The following AARS1 variants were observed in gnomAD, a reference collection of about 807,000 sequenced individuals.
AARS1 encodes alanine--tRNA ligase, cytoplasmic.
AARS1 carries 72 observed loss-of-function variants against 108.9 expected under a neutral mutation model. The ratio of observed to expected loss-of-function variants is 0.66; its 90% CI spans 0.55 to 0.80. AARS1 has a LOEUF of 0.80. Ranked by LOEUF, AARS1 falls within the 30% of genes least tolerant of loss-of-function variation. The pLI, the probability that AARS1 is intolerant of heterozygous loss-of-function variation, is 0.00. For missense variants in AARS1, 1,193 were observed against 1,233.2 expected (o/e 0.97, Z 0.49); for synonymous variants, 489 against 465.7 (o/e 1.05, Z -0.64).
In AARS1 at chr16:70,289,408, G is replaced by A. The variant is rs574001991; in HGVS notation, c.-22+13C>T. On this transcript the variant is annotated intron_variant, in intron 1 of 20. Coordinates refer to ENST00000261772, the MANE Select transcript of AARS1 (RefSeq NM_001605.3). ...CTCTCCTAGCACCGCAGAGCTCTCC[G>A]AGGGCGGCCTACCTCTCCTAGGGTC... is the stretch of plus-strand genomic sequence containing the variant. The A allele has an allele frequency of 5.2e-6, 2 of 381,764 alleles. No homozygotes were observed. The highest frequency in any genetic ancestry group is 1.1e-5 in the Non-Finnish European group (2 of 190,374). The allele number at this position is 381,764 out of a possible 1,614,324, so 23.6% of individuals were successfully genotyped here.
chr16:70,256,637 T>C (rs1486882719), intron 15 of AARS1, among the ~76,000 whole-genome samples: 1 of 152,144 alleles, frequency 6.6e-6, no homozygotes, highest in East Asian at 1.9e-4. Flanking sequence ...TCCTGTAGTC[T>C]AAAGGGTATG....
At chr16:70,258,725 C>A (rs1281641547) in intron 14 of AARS1, among the ~76,000 whole-genome samples, 3 of 152,190 alleles carry the variant, frequency 2.0e-5, no homozygotes, top group Non-Finnish European at 4.4e-5. Context: ...GCCACCACGC[C>A]CGGCTAATTT....
In AARS1 at chr16:70,267,727, G is replaced by C. The variant is rs1960296701; in HGVS notation, c.1154C>G (p.Thr385Ser). The change falls in exon 9 of 21, where the codon ACT becomes AGT. Residue 385 changes from threonine to serine, a missense_variant. Transcript: ENST00000261772. ...CAGGATGCGACGCCCTCTGCTGAGAGTCTTGAGAAACTGCACCTCTTCTTC... is the reference window on the plus strand; with the variant it reads ...CAGGATGCGACGCCCTCTGCTGAGACTCTTGAGAAACTGCACCTCTTCTTC... ...INEEEVQFLK[T>S]LSRGRRILDR... 1.2e-6 allele frequency: 2 copies of C among 1,614,184 alleles called. No homozygotes were observed. Among genetic ancestry groups the C allele is most frequent in the African/African-American group, 2.7e-5 (2 of 75,038 alleles).
rs766314253 is a variant in AARS1, at chr16:70,282,663, A to G, written c.101T>C (p.Leu34Ser). 1 of 1,614,218 alleles carries G rather than the reference A, an allele frequency of 6.2e-7. No individual in the cohort carries two copies. The highest frequency in any genetic ancestry group is 8.5e-7 in the Non-Finnish European group (1 of 1,180,042). Residue 34 changes from leucine (L) to serine (S), a missense_variant, in exon 2 of 21, where the codon TTG becomes TCG. Coordinates refer to ENST00000261772, the MANE Select transcript of AARS1 (RefSeq NM_001605.3). ...GGCAAAGAGCAAAGTGGGGTCATCC[A>G]ATGGGATGGTGGCAGACGAGTGAAC... ...TYVHSSATIP[L>S]DDPTLLFANA... is the part of the protein sequence containing the mutation.
At chr16:70,254,440 G>C (rs1597433148) in intron 17 of AARS1, 181 bp downstream of exon 17, 1 of 643,178 alleles carries the variant, frequency 1.6e-6, no homozygotes, top group Non-Finnish European at 2.8e-6. Context: ...AGCAGGGAAT[G>C]TCCAGGGTCC....
chr16:70,271,017 T>A (rs1317053946), intron 5 of AARS1, among the ~76,000 whole-genome samples: 1 of 150,522 alleles, frequency 6.6e-6, no homozygotes, highest in Admixed American at 6.7e-5. Flanking sequence ...CCTGGCATGG[T>A]GGCATGCACC....
chr16:70,273,687 C>A (rs1233921876), intron 4 of AARS1, among the ~76,000 whole-genome samples: 1 of 151,642 alleles, frequency 6.6e-6, no homozygotes, highest in African/African-American at 2.4e-5. Context: ...ACGGTGAAAC[C>A]CCGTCTCTAC....
chr16:70,277,180 C>CT (rs1274471656), intron 2 of AARS1, 26 bp from the exon 3 acceptor site: 2 of 1,611,546 alleles, frequency 1.2e-6, no homozygotes, highest in African/African-American at 2.7e-5. Flanking sequence ...AGCAGTTCAA[C>CT]TTTTAAAGGG....
chr16:70,271,237 C>T (rs895787089), intron 5 of AARS1, among the ~76,000 whole-genome samples: 62 of 150,762 alleles, frequency 4.1e-4, no homozygotes, highest in Admixed American at 6.6e-4. Context: ...GGCTTTAAAA[C>T]AGCAGTCCAG....
intron 5 of AARS1, 61 bp downstream of exon 5, chr16:70,271,720 T>C: frequency 6.5e-7 from 1 of 1,529,278 alleles, no homozygotes; most frequent in South Asian, 1.1e-5. Flanking sequence ...GCTACACAGC[T>C]CCGAGTTCCT....
At chr16:70,254,815 C>A in intron 16 of AARS1, 81 bp from the exon 17 acceptor site, 1 of 962,806 alleles carries the variant, frequency 1.0e-6, no homozygotes, top group Non-Finnish European at 1.7e-6. Flanking sequence ...CTGCGGAAGC[C>A]CCGGCGGTAG....
chr16:70,264,818 A>T, intron 11 of AARS1, 140 bp downstream of exon 11: 4 of 1,018,710 alleles, frequency 3.9e-6, no homozygotes, highest in Non-Finnish European at 6.0e-6. Flanking sequence ...ATGTGTATAA[A>T]AGTGCATAGC....
chr16:70,286,254 G>A (rs908439448), intron 1 of AARS1, among the ~76,000 whole-genome samples: 1 of 151,958 alleles, frequency 6.6e-6, no homozygotes, highest in African/African-American at 2.4e-5. Context: ...GGGCTATATG[G>A]GATACAGAGG....
In AARS1 at chr16:70,255,723, C is replaced by T; in HGVS notation, c.2286+5G>A. ...ATAAGCCACAAACCAGCCTGACCTGCTCACCTTCTGGGCCTCGGCACCTGT... is the reference window on the plus strand; with the variant it reads ...ATAAGCCACAAACCAGCCTGACCTGTTCACCTTCTGGGCCTCGGCACCTGT... On this transcript the variant is annotated splice_donor_5th_base_variant and intron_variant, in intron 16 of 20. Transcript: ENST00000261772. 6.2e-7 allele frequency: 1 copy of T among 1,613,934 alleles called. No homozygotes were observed. The highest frequency in any genetic ancestry group is 1.1e-5 in the South Asian group (1 of 91,066).
At chr16:70,282,928 C>T (rs1452835201) in intron 1 of AARS1, 144 bp from the exon 2 acceptor site, 1 of 788,568 alleles carries the variant, frequency 1.3e-6, no homozygotes, top group Non-Finnish European at 2.1e-6. Flanking sequence ...TTGTAATGTC[C>T]AAGGCTAAAA....
chr16:70,257,388 C>T (rs1960017115), intron 15 of AARS1, among the ~76,000 whole-genome samples: 1 of 152,168 alleles, frequency 6.6e-6, no homozygotes, highest in African/African-American at 2.4e-5. Context: ...ACACTCCACC[C>T]TGCGGGACAG....
At chr16:70,261,017 A>G in intron 13 of AARS1, 27 bp downstream of exon 13, 4 of 1,540,000 alleles carry the variant, frequency 2.6e-6, no homozygotes, top group Non-Finnish European at 3.6e-6. Context: ...AACCAGATCC[A>G]ATGGGGGCCA....
chr16:70,255,131 C>T (rs1487593673), intron 16 of AARS1, among the ~76,000 whole-genome samples: 2 of 151,438 alleles, frequency 1.3e-5, no homozygotes, highest in Admixed American at 6.6e-5. Context: ...CCCGATGCCA[C>T]AGCGAATCTA....
rs2152149770 is a variant in AARS1 at position 70,253,386 on chromosome 16, G to A, written c.2608-5C>T. 6.2e-7 allele frequency: 1 copy of A among 1,608,186 alleles called. No individual in the cohort carries two copies. The highest frequency in any genetic ancestry group is 1.7e-5 in the Admixed American group (1 of 59,970). ...CTTCAAGGCTTCATTCAGGGCCTGT[G>A]GGGAGGACCTGGCTCAGGCCACGGT... On this transcript the variant is annotated splice_region_variant and splice_polypyrimidine_tract_variant and intron_variant, in intron 19 of 20. Coordinates refer to ENST00000261772, the MANE Select transcript of AARS1 (RefSeq NM_001605.3).
Sources: allele counts gnomAD v4.1 joint callset (sites outside exome capture counted in the v4.1 genomes callset), GRCh38; gene constraint gnomAD v4.1.1; transcripts MANE v1.5; gene names NCBI Gene and HGNC (gene_info 2026-07-23, HGNC 2026-07-21).